Variants in OGT observed in about 807,000 individuals in gnomAD.
OGT encodes the protein O-linked N-acetylglucosamine (GlcNAc) transferase.
A neutral mutation model predicts 75.8 loss-of-function variants in OGT; 3 were observed. That is an observed-to-expected ratio of 0.04 (90% CI 0.02 to 0.10). The LOEUF (loss-of-function observed/expected upper bound fraction) is 0.10, where lower values mean the gene tolerates loss of function less well. Ranked by LOEUF, OGT falls within the 10% of genes least tolerant of loss-of-function variation. The pLI is 1.00. For synonymous variants in OGT, 257 were observed against 289.7 expected (o/e 0.89, Z 1.15); for missense variants, 260 against 824.4 (o/e 0.32, Z 8.38).
chrX:71,572,112 A>G (rs1460936346), intron 21 of OGT, among the ~76,000 whole-genome samples: 2 of 111,276 alleles, frequency 1.8e-5, no homozygotes, highest in African/African-American at 6.5e-5. Flanking sequence ...GACAAAAAAC[A>G]TTATCACTCC....
intron 4 of OGT, chrX:71,547,005 C>T: frequency 1.3e-6 from 1 of 754,632 alleles, no homozygotes; most frequent in Non-Finnish European, 1.6e-6. Context: ...TCTGGTTGGC[C>T]GTTTGCTGCG....
At position 71,558,805 on chromosome X, in the gene OGT, G is replaced by A. The variant is rs1159195458; in HGVS notation, c.1603-462G>A. Among the ~76,000 whole-genome samples, 9 of 72,426 alleles carry A rather than the reference G, an allele frequency of 1.2e-4. No individual in the cohort carries two copies. The Admixed American group carries it at 2.0e-3, about 16-fold the overall frequency. The allele number at this position is 72,426 out of a possible 115,157, so 62.9% of individuals were successfully genotyped here. On this transcript the variant is annotated intron_variant, in intron 12 of 21. Transcript: ENST00000373719. ...TTTTTTTTTTTTGAGACAGGGTCTT[G>A]CTCTGTTGCCCAGGCTGGAGTGCAG... is the stretch of plus-strand genomic sequence containing the variant.
Position 71,546,159 on chromosome X carries a change from A to G in OGT, c.531+1524A>G, listed in dbSNP as rs1329748741. ...TTCTTCCAGCAAAAATCCCTGCTGT[A>G]TGCAATAGCCCTGATTAACCCTCTC... On this transcript the variant is annotated intron_variant, in intron 4 of 21. Coordinates refer to ENST00000373719, the MANE Select transcript of OGT (RefSeq NM_181672.3). 5 of 753,145 alleles carry G rather than the reference A, an allele frequency of 6.6e-6. 1 individual carries two copies. The highest frequency in any genetic ancestry group is 4.7e-6 in the Non-Finnish European group (3 of 639,102). The allele number at this position is 753,145 out of a possible 1,213,427, so 62.1% of individuals were successfully genotyped here. A position where few individuals can be genotyped will look rare whatever the true frequency, so the allele number is the denominator to read the frequency against.
chrX:71,538,997 TA>T (rs983079410), intron 3 of OGT, among the ~76,000 whole-genome samples: 3 of 110,996 alleles, frequency 2.7e-5, no homozygotes, highest in Non-Finnish European at 3.8e-5. Context: ...TTTTATCAAT[TA>T]AAAAAAAACC....
intron 5 of OGT, among the ~76,000 whole-genome samples, chrX:71,551,157 T>C (rs2147678316): frequency 8.9e-6 from 1 of 112,281 alleles, no homozygotes; most frequent in East Asian, 2.8e-4. Context: ...ATGCCATAAA[T>C]ATACACAATT....
At chrX:71,533,887 G>A (rs1366514834) in intron 1 of OGT, among the ~76,000 whole-genome samples, 2 of 111,538 alleles carry the variant, frequency 1.8e-5, no homozygotes, top group African/African-American at 6.5e-5. Flanking sequence ...GGTGCCACAA[G>A]TCACCTCGAG....
intron 12 of OGT, among the ~76,000 whole-genome samples, chrX:71,558,765 CTT>C (rs397895020): frequency 2.3e-3 from 141 of 61,448 alleles, no homozygotes; most frequent in African/African-American, 6.7e-3. Flanking sequence ...TTTGCTCGTA[CTT>C]TTTTTTTTTT....
chrX:71,567,904 C>T, intron 20 of OGT, 89 bp from the exon 21 acceptor site: 1 of 1,101,205 alleles, frequency 9.1e-7, no homozygotes. Context: ...TTCTCTTCAT[C>T]TGCGTTGTGT....
At chrX:71,563,287 T>A (rs777936278) in intron 17 of OGT, 41 bp downstream of exon 17, 2 of 1,198,670 alleles carry the variant, frequency 1.7e-6, no homozygotes, top group Non-Finnish European at 2.3e-6. Context: ...TAAAGTTAAC[T>A]GCATTCACGA....
At chrX:71,541,262 T>C (rs1465468806) in intron 3 of OGT, among the ~76,000 whole-genome samples, 1 of 112,131 alleles carries the variant, frequency 8.9e-6, no homozygotes, top group East Asian at 2.8e-4. Flanking sequence ...TTGTTACTTG[T>C]TACTGCTGAG....
intron 14 of OGT, among the ~76,000 whole-genome samples, chrX:71,560,839 T>C (rs1159068045): frequency 1.8e-5 from 2 of 111,427 alleles, no homozygotes; most frequent in Non-Finnish European, 3.8e-5. Context: ...ATAGCTTTTG[T>C]AACCTTTCTC....
In OGT at chrX:71,547,891, A is replaced by G; in HGVS notation, c.532-16A>G. On this transcript the variant is annotated splice_polypyrimidine_tract_variant and intron_variant, in intron 4 of 21. Transcript: ENST00000373719. ...CCTCCTTTCCCTCCCATCTTCTTTC[A>G]TTAACCCCTCCTAAGGCATGTTATT... is the stretch of plus-strand genomic sequence containing the variant. The G allele has an allele frequency of 8.5e-7, 1 of 1,180,864 alleles. No homozygotes were observed.
At chrX:71,537,722 T>C (rs1569423795) in intron 2 of OGT, 107 bp from the exon 3 acceptor site, 1 of 944,264 alleles carries the variant, frequency 1.1e-6, no homozygotes, top group East Asian at 3.1e-5. Flanking sequence ...TAAGGTATTA[T>C]ATAATGAGCA....
At chrX:71,553,835 G>A (rs1191721756) in intron 5 of OGT, among the ~76,000 whole-genome samples, 4 of 111,856 alleles carry the variant, frequency 3.6e-5, no homozygotes, top group African/African-American at 1.3e-4. Context: ...TTCTTGATCA[G>A]TGTTTCTCTT....
At chrX:71,562,213 C>A (rs2040389310) in intron 15 of OGT, among the ~76,000 whole-genome samples, 1 of 112,569 alleles carries the variant, frequency 8.9e-6, no homozygotes, top group East Asian at 2.8e-4. Context: ...CCTGTAATCC[C>A]AGCACTTTGG....
intron 3 of OGT, among the ~76,000 whole-genome samples, chrX:71,539,265 G>A (rs762933706): frequency 8.9e-6 from 1 of 112,803 alleles, no homozygotes; most frequent in Non-Finnish European, 1.9e-5. Context: ...TCAAAGATCC[G>A]AAGTCACTTC....
chrX:71,574,435 G>A lies in OGT; in HGVS notation c.*641G>A, dbSNP rs2040479898. The A allele has an allele frequency of 9.1e-6, 1 of 110,240 alleles. No individual in the cohort carries two copies. The allele number at this position is 110,240 out of a possible 1,213,427, so 9.1% of individuals were successfully genotyped here. A position where few individuals can be genotyped will look rare whatever the true frequency, so the allele number is the denominator to read the frequency against. ...AGATGATGACTCAAGATTTTTTCTG[G>A]TCCATTTCCCATTTCCTTTTCTTCC... On this transcript the variant is annotated 3_prime_UTR_variant, in exon 22 of 22. Coordinates refer to ENST00000373719, the MANE Select transcript of OGT (RefSeq NM_181672.3).
chrX:71,557,978 G>A (rs1460012213), intron 12 of OGT, among the ~76,000 whole-genome samples: 15 of 105,583 alleles, frequency 1.4e-4, no homozygotes, highest in Admixed American at 8.2e-4. Context: ...TTTTTGAGAC[G>A]GGGTCTTGCT....
At chrX:71,533,372 C>G in intron 1 of OGT, 36 bp downstream of exon 1, 1 of 1,150,499 alleles carries the variant, frequency 8.7e-7, no homozygotes, top group Non-Finnish European at 1.2e-6. Flanking sequence ...CAGATGCCCC[C>G]TTGGGGTCTC....
Sources: allele counts gnomAD v4.1 joint callset (sites outside exome capture counted in the v4.1 genomes callset), GRCh38; gene constraint gnomAD v4.1.1; transcripts MANE v1.5; gene names NCBI Gene and HGNC (gene_info 2026-07-23, HGNC 2026-07-21).